Variants in GPC6 observed in about 807,000 individuals in gnomAD.
GPC6 encodes glypican 6.
GPC6 carries 14 observed loss-of-function variants against 55.2 expected under a neutral mutation model. That is an observed-to-expected ratio of 0.25 (90% CI 0.17 to 0.40). GPC6 has a LOEUF of 0.40. Among genes scored for constraint, GPC6 ranks in the 10% least tolerant of loss-of-function variants. GPC6 has a pLI of 1.00. For synonymous variants in GPC6, 278 were observed against 259.6 expected, an observed-to-expected ratio of 1.07 and a Z score of -0.68; for missense variants, 641 against 708.5, an observed-to-expected ratio of 0.90 and a Z score of 1.08.
chr13:94,027,958 G>T, intron 4 of GPC6, 64 bp downstream of exon 4: 1 of 1,415,596 alleles, frequency 7.1e-7, no homozygotes, highest in Non-Finnish European at 1.0e-6. Flanking sequence ...TATGGGGCTT[G>T]ATGGGTGGGT....
intron 4 of GPC6, among the ~76,000 whole-genome samples, chr13:94,104,202 G>A (rs2138830101): frequency 6.6e-6 from 1 of 152,166 alleles, no homozygotes; most frequent in South Asian, 2.1e-4. Flanking sequence ...GTAGATGTGT[G>A]GTATTATTTC....
chr13:93,982,999 C>G (rs1200340999), intron 3 of GPC6, among the ~76,000 whole-genome samples: 1 of 152,154 alleles, frequency 6.6e-6, no homozygotes, highest in African/African-American at 2.4e-5. Flanking sequence ...GGCAAATGTA[C>G]ATTCTAGTCT....
At chr13:93,850,590 GTGAATT>G (rs943761477) in intron 3 of GPC6, among the ~76,000 whole-genome samples, 31 of 151,900 alleles carry the variant, frequency 2.0e-4, no homozygotes, top group African/African-American at 7.5e-4. Flanking sequence ...GCTGGGAACA[GTGAATT>G]TTAATTATAT....
chr13:94,051,866 A>T (rs572152748), intron 4 of GPC6, among the ~76,000 whole-genome samples: 2 of 152,190 alleles, frequency 1.3e-5, no homozygotes, highest in East Asian at 3.8e-4. Flanking sequence ...AAGAACATTT[A>T]TATTTCTTAT....
chr13:93,220,440 T>G, the GPC6 span, among the ~76,000 whole-genome samples: 1 of 152,260 alleles, frequency 6.6e-6, no homozygotes, highest in Non-Finnish European at 1.5e-5. Context: ...AATATCTGAA[T>G]TTATAACAAG....
intron 4 of GPC6, among the ~76,000 whole-genome samples, chr13:94,079,640 G>T (rs1477779640): frequency 6.6e-6 from 1 of 152,118 alleles, no homozygotes; most frequent in East Asian, 1.9e-4. Context: ...TCCCATGGTT[G>T]TACATATGTG....
chr13:93,938,831 C>T (rs1285772414), intron 3 of GPC6, among the ~76,000 whole-genome samples: 1 of 152,092 alleles, frequency 6.6e-6, no homozygotes, highest in African/African-American at 2.4e-5. Flanking sequence ...GGGCTGGGCA[C>T]GGTGGCTCAC....
chr13:93,246,920 C>A (rs1474331270), intron 1 of GPC6, among the ~76,000 whole-genome samples: 2 of 151,272 alleles, frequency 1.3e-5, no homozygotes, highest in Non-Finnish European at 2.9e-5. Flanking sequence ...TAATTTCCCC[C>A]CCAAATCTCC....
the GPC6 span, among the ~76,000 whole-genome samples, chr13:93,216,599 C>T: frequency 1.3e-5 from 2 of 152,148 alleles, no homozygotes; most frequent in African/African-American, 4.8e-5. Context: ...ACAGTGTAGA[C>T]TAGACAGCCA....
intron 2 of GPC6, among the ~76,000 whole-genome samples, chr13:93,789,515 A>C (rs767976984): frequency 0.19 from 18,849 of 99,630 alleles, 1,968 homozygotes; most frequent in Middle Eastern, 0.27. Flanking sequence ...CTCTCTATAT[A>C]TATATATATA....
intron 7 of GPC6, among the ~76,000 whole-genome samples, chr13:94,384,358 A>C (rs1287427582): frequency 6.6e-6 from 1 of 152,224 alleles, no homozygotes; most frequent in African/African-American, 2.4e-5. Context: ...CTGTACAGAA[A>C]GACACTGTGA....
At chr13:93,959,056 C>T (rs1431378064) in intron 3 of GPC6, among the ~76,000 whole-genome samples, 1 of 152,100 alleles carries the variant, frequency 6.6e-6, no homozygotes, top group Non-Finnish European at 1.5e-5. Flanking sequence ...AATTATTTAT[C>T]AGTTCTAGTA....
At chr13:93,358,899 G>C (rs1011142992) in intron 1 of GPC6, among the ~76,000 whole-genome samples, 3 of 152,078 alleles carry the variant, frequency 2.0e-5, no homozygotes, top group African/African-American at 7.2e-5. Context: ...GATTAATAGG[G>C]GAAAGTGTTT....
intron 2 of GPC6, among the ~76,000 whole-genome samples, chr13:93,781,066 C>G (rs1335446280): frequency 1.3e-5 from 2 of 151,524 alleles, no homozygotes; most frequent in Non-Finnish European, 2.9e-5. Context: ...TCACAAGGTC[C>G]AGAGATCGAG....
At chr13:94,083,318 C>G (rs538004312) in intron 4 of GPC6, among the ~76,000 whole-genome samples, 1 of 152,126 alleles carries the variant, frequency 6.6e-6, no homozygotes, top group Admixed American at 6.5e-5. Flanking sequence ...TGGGGTTTCA[C>G]CGTGTTAGCC....
At chr13:93,786,437 A>C (rs1190978502) in intron 2 of GPC6, among the ~76,000 whole-genome samples, 1 of 152,196 alleles carries the variant, frequency 6.6e-6, no homozygotes, top group African/African-American at 2.4e-5. Context: ...AAGTATAAAA[A>C]TAACATATTG....
intron 6 of GPC6, among the ~76,000 whole-genome samples, chr13:94,334,713 A>C (rs992322695): frequency 6.6e-6 from 1 of 152,196 alleles, no homozygotes; most frequent in Admixed American, 6.5e-5. Context: ...TCTGGGACCT[A>C]GAAAATAAGG....
chr13:93,781,442 A>G (rs1253326940), intron 2 of GPC6, among the ~76,000 whole-genome samples: 3 of 152,188 alleles, frequency 2.0e-5, no homozygotes, highest in Non-Finnish European at 4.4e-5. Flanking sequence ...TGCCCAAGTT[A>G]AGGGATCGTT....
chr13:93,593,500 AT>A (rs1877582331), intron 2 of GPC6, among the ~76,000 whole-genome samples: 1 of 152,164 alleles, frequency 6.6e-6, no homozygotes. Context: ...GAAGGAAAAG[AT>A]TTAAAAATTT....
Sources: gnomAD v4.1 joint callset for allele counts (sites outside exome capture counted in the v4.1 genomes callset) on GRCh38, gnomAD v4.1.1 for gene constraint, MANE v1.5 for transcripts, NCBI Gene and HGNC (gene_info 2026-07-23, HGNC 2026-07-21) for gene names.